The following ARHGEF7 variants were observed in gnomAD, a reference collection of about 807,000 sequenced individuals.
The protein encoded by ARHGEF7 is PAK-interacting exchange factor beta.
Under a neutral mutation model 109.8 loss-of-function variants are expected in ARHGEF7, and 33 were observed. That is an observed-to-expected ratio of 0.30 (90% CI 0.23 to 0.40). ARHGEF7 has a LOEUF of 0.40. ARHGEF7 is among the 10% of genes least tolerant of loss of function. ARHGEF7 has a pLI of 1.00. For synonymous variants in ARHGEF7, 458 were observed against 424.6 expected, an observed-to-expected ratio of 1.08 and a Z score of -0.97; for missense variants, 938 against 1,098.5, an observed-to-expected ratio of 0.85 and a Z score of 2.07.
intron 1 of ARHGEF7, chr13:111,143,739 C>T (rs978986284): frequency 2.0e-5 from 3 of 152,206 alleles, no homozygotes; most frequent in African/African-American, 7.2e-5. Context: ...AGTGGCGAGA[C>T]CTCAACGGTG....
At chr13:111,177,036 C>T (rs1276407380) in intron 2 of ARHGEF7, among the ~76,000 whole-genome samples, 3 of 152,364 alleles carry the variant, frequency 2.0e-5, no homozygotes, top group East Asian at 3.9e-4. Context: ...GGATTACAGG[C>T]GTGAGCCACC....
chr13:111,251,564 G>A (rs1217058595), intron 8 of ARHGEF7, among the ~76,000 whole-genome samples: 2 of 152,194 alleles, frequency 1.3e-5, no homozygotes, highest in African/African-American at 4.8e-5. Flanking sequence ...GAATTTTGTC[G>A]AGATTCTTTT....
At chr13:111,182,555 ACGTGGC>A (rs1744794898) in intron 2 of ARHGEF7, 1 of 152,270 alleles carries the variant, frequency 6.6e-6, no homozygotes, top group South Asian at 2.1e-4. Context: ...GGTGGGGGGA[ACGTGGC>A]CTGGGGTCTG....
At chr13:111,198,472 G>C (rs1270749274) in intron 2 of ARHGEF7, among the ~76,000 whole-genome samples, 2 of 152,006 alleles carry the variant, frequency 1.3e-5, no homozygotes, top group Non-Finnish European at 2.9e-5. Context: ...CATTCCTTCA[G>C]ATGTGTCCAG....
chr13:111,242,232 G>C (rs749496809), intron 6 of ARHGEF7, among the ~76,000 whole-genome samples: 2 of 151,990 alleles, frequency 1.3e-5, no homozygotes, highest in Non-Finnish European at 2.9e-5. Context: ...TTTCGCCCAA[G>C]TAGTTTAGTA....
intron 19 of ARHGEF7, among the ~76,000 whole-genome samples, chr13:111,298,752 C>T (rs2093483278): frequency 6.6e-6 from 1 of 152,220 alleles, no homozygotes; most frequent in Non-Finnish European, 1.5e-5. Context: ...GAGCTGGGCC[C>T]TCTCCTTCAC....
intron 2 of ARHGEF7, chr13:111,158,994 C>A: frequency 1.4e-6 from 1 of 717,636 alleles, no homozygotes; most frequent in Non-Finnish European, 2.6e-6. Flanking sequence ...AATTTTGTAC[C>A]CTTTGACTAA....
intron 8 of ARHGEF7, among the ~76,000 whole-genome samples, chr13:111,251,453 T>C (rs74126768): frequency 6.4e-4 from 98 of 152,256 alleles, no homozygotes; most frequent in African/African-American, 2.2e-3. Flanking sequence ...GGCAGTATCA[T>C]AGTCGGCACT....
intron 5 of ARHGEF7, among the ~76,000 whole-genome samples, chr13:111,227,026 A>C (rs1429574953): frequency 6.6e-6 from 1 of 152,174 alleles, no homozygotes; most frequent in Non-Finnish European, 1.5e-5. Context: ...AGAGAACTAA[A>C]ATTGGAAGTG....
At chr13:111,114,715 G>C (rs910702398), upstream of ARHGEF7, 3 of 152,220 alleles carry the variant, frequency 2.0e-5, no homozygotes, top group Non-Finnish European at 4.4e-5. Context: ...CCCCGGCAGG[G>C]TCTGAAGCGT....
intron 1 of ARHGEF7, among the ~76,000 whole-genome samples, chr13:111,129,219 T>C (rs2074611470): frequency 6.6e-6 from 1 of 152,062 alleles, no homozygotes; most frequent in Non-Finnish European, 1.5e-5. Flanking sequence ...TAAAAATGAA[T>C]CATAGATCTA....
intron 6 of ARHGEF7, among the ~76,000 whole-genome samples, chr13:111,243,166 A>G (rs1218653746): frequency 6.6e-6 from 1 of 152,206 alleles, no homozygotes; most frequent in Non-Finnish European, 1.5e-5. Flanking sequence ...CATATTCACT[A>G]GGGAAAGTCT....
In ARHGEF7 at chr13:111,275,637, A is replaced by G; in HGVS notation, c.1378A>G (p.Thr460Ala). 6.2e-7 allele frequency: 1 copy of G among 1,614,184 alleles called. No individual in the cohort carries two copies. The highest frequency in any genetic ancestry group is 8.5e-7 in the Non-Finnish European group (1 of 1,180,030). The change falls in exon 12 of 22, where the codon ACT becomes GCT. Residue 460 changes from threonine to alanine, a missense_variant. By Grantham distance (58) the Thr-to-Ala change is moderately conservative (BLOSUM62 0). This residue lies in a region of ARHGEF7 where 585 missense variants were observed against 723.6 expected (regional missense o/e 0.81). Transcript: ENST00000646102. Reference protein sequence around the residue: ...GDDIKTLGNVTYMSQVLIQCA... With the variant: ...GDDIKTLGNVAYMSQVLIQCA... ...TGACATTAAAACTCTGGGCAACGTC[A>G]CTTACATGTCCCAGGTCCTGATTCA...
intron 8 of ARHGEF7, among the ~76,000 whole-genome samples, chr13:111,246,563 G>T (rs551198013): frequency 6.6e-6 from 1 of 152,328 alleles, no homozygotes; most frequent in East Asian, 1.9e-4. Context: ...ATTAGAAACC[G>T]TAAGTGAATA....
At chr13:111,116,291 CA>C (rs2066774038) in intron 1 of ARHGEF7, 1 of 120,686 alleles carries the variant, frequency 8.3e-6, no homozygotes, top group African/African-American at 2.6e-5. Context: ...TGGCACTCTT[CA>C]AGGCTTGTTA....
chr13:111,115,408 C>A lies in ARHGEF7; in HGVS notation c.-119C>A. 1 of 739,484 alleles carries A rather than the reference C, an allele frequency of 1.4e-6. No homozygotes were observed. The highest frequency in any genetic ancestry group is 1.6e-6 in the Non-Finnish European group (1 of 608,546). 45.8% of individuals were successfully genotyped at this position (739,484 alleles called of 1,614,324 possible). A position where few individuals can be genotyped will look rare whatever the true frequency, so the allele number is the denominator to read the frequency against. On this transcript the variant is annotated 5_prime_UTR_variant, in exon 1 of 22. Transcript: ENST00000646102. The stretch of plus-strand genomic sequence containing the variant: ...ACCTGCTGGGCCGCGCCGAGCCAAT[C>A]GCCGGCGCCGGCCGCTCGATGGGCG...
chr13:111,166,738 A>G (rs571236576), intron 2 of ARHGEF7, among the ~76,000 whole-genome samples: 1 of 152,338 alleles, frequency 6.6e-6, no homozygotes, highest in South Asian at 2.1e-4. Context: ...TCAGCTTCAG[A>G]CATGCTCCAT....
chr13:111,271,910 T>G (rs2153592958), intron 9 of ARHGEF7, among the ~76,000 whole-genome samples: 1 of 152,352 alleles, frequency 6.6e-6, no homozygotes, highest in Non-Finnish European at 1.5e-5. Flanking sequence ...AAGTATTTCT[T>G]GTTGGCAAGG....
At chr13:111,177,866 A>C (rs2078318330) in intron 2 of ARHGEF7, among the ~76,000 whole-genome samples, 1 of 152,340 alleles carries the variant, frequency 6.6e-6, no homozygotes, top group East Asian at 1.9e-4. Context: ...GTTATTTTCT[A>C]AAAGTCCTTG....
Sources: gnomAD v4.1 joint callset for allele counts (sites outside exome capture counted in the v4.1 genomes callset) on GRCh38, gnomAD v4.1.1 for gene constraint, gnomAD v4.1.1 regional missense constraint, MANE v1.5 for transcripts, NCBI Gene and HGNC (gene_info 2026-07-23, HGNC 2026-07-21) for gene names.